The following LEO1 variants were observed in gnomAD, a reference collection of about 807,000 sequenced individuals.
LEO1 encodes LEO1 component of Paf1/RNA polymerase II complex.
Under a neutral mutation model 80.4 loss-of-function variants are expected in LEO1, and 34 were observed. The observed-to-expected ratio is 0.42, with a 90% CI of 0.32 to 0.56. The LOEUF (loss-of-function observed/expected upper bound fraction) is 0.56. Among genes scored for constraint, LEO1 ranks in the 20% least tolerant of loss-of-function variants. The probability of loss-of-function intolerance (pLI) is 0.10; values close to 1 mark genes in which losing one functional copy is unlikely to be tolerated. For missense variants in LEO1, 631 were observed against 814.2 expected, an observed-to-expected ratio of 0.77 and a Z score of 2.74; for synonymous variants, 262 against 274.9, an observed-to-expected ratio of 0.95 and a Z score of 0.46.
chr15:51,952,052 A>C lies in LEO1; in HGVS notation c.1476-73T>G, dbSNP rs1422846882. 5 of 1,366,246 alleles carry C rather than the reference A, an allele frequency of 3.7e-6. No individual in the cohort carries two copies. The East Asian group carries it at 1.2e-4, about 33-fold the overall frequency. 84.6% of individuals were successfully genotyped at this position (1,366,246 alleles called of 1,614,324 possible). On this transcript the variant is annotated intron_variant, in intron 8 of 11. Transcript: ENST00000299601. ...TGTGAGCCAGTGATACCCACGTCAC[A>C]GAAGTAAGAGCCCAGTGACCATTTC...
Position 51,954,468 on chromosome 15 carries a change from G to A in LEO1, c.1340+13C>T, listed in dbSNP as rs2959293. 0.39 allele frequency: 612,149 copies of A among 1,570,514 alleles called. 122,414 individuals are homozygous for A. Among genetic ancestry groups the A allele is most frequent in the Admixed American group, 0.46 (27,757 of 59,912 alleles). On this transcript the variant is annotated intron_variant, in intron 7 of 11. Transcript: ENST00000299601. ...CTGGGTATGTCAATACCCTTCAGGC[G>A]TTTTGTGCTCACCTTCCATCTGACC...
At chr15:51,949,130 T>G (rs142341147) in intron 10 of LEO1, among the ~76,000 whole-genome samples, 74 of 152,136 alleles carry the variant, frequency 4.9e-4, no homozygotes, top group African/African-American at 1.8e-3. Context: ...CAGAAATCAG[T>G]GATACTTGTG....
intron 2 of LEO1, among the ~76,000 whole-genome samples, chr15:51,964,331 A>G (rs796748455): frequency 2.6e-5 from 4 of 152,302 alleles, no homozygotes; most frequent in African/African-American, 9.6e-5. Flanking sequence ...GTTCTCACTC[A>G]TAGGTGGGAA....
rs762379824 is a variant in LEO1 at position 51,971,674 on chromosome 15, A to C, written c.58+14T>G. ...CCTGCCACGCACCCATCCTCCGAAG[A>C]CCAGCGAACCCACCTTTACGCTCAG... On this transcript the variant is annotated intron_variant, in intron 1 of 11. Transcript: ENST00000299601. The C allele has an allele frequency of 1.2e-6, 2 of 1,613,574 alleles. No individual in the cohort carries two copies. The highest frequency in any genetic ancestry group is 8.5e-7 in the Non-Finnish European group (1 of 1,179,712).
intron 5 of LEO1, 128 bp downstream of exon 5, chr15:51,959,771 A>T: frequency 1.2e-6 from 1 of 816,704 alleles, no homozygotes; most frequent in Non-Finnish European, 1.9e-6. Context: ...GTGCTTGACT[A>T]ATTTTTTCAG....
At position 51,968,836 on chromosome 15, in the gene LEO1, A is replaced by T. The variant is rs146292514; in HGVS notation, c.59-2332T>A. ...AGAGCAAGACTCCGTCTCAAAAAAA[A>T]AAAGGAAAGTGAAAAAACAACCTAC... is the stretch of plus-strand genomic sequence containing the variant. On this transcript the variant is annotated intron_variant, in intron 1 of 11. Coordinates refer to ENST00000299601, the MANE Select transcript of LEO1 (RefSeq NM_138792.4). Among the ~76,000 whole-genome samples the T allele has an allele frequency of 7.0e-3, 1,073 of 152,312 alleles. 11 individuals carry two copies. The highest frequency in any genetic ancestry group is 0.025 in the African/African-American group (1,027 of 41,570).
chr15:51,964,547 T>TAA (rs567387816), intron 2 of LEO1, among the ~76,000 whole-genome samples: 1,524 of 140,884 alleles, frequency 0.011, 17 homozygotes, highest in African/African-American at 0.016. Context: ...CTTAAAGTGT[T>TAA]AAAAAAAAAA....
At chr15:51,963,561 G>A (rs1378615933) in intron 2 of LEO1, among the ~76,000 whole-genome samples, 1 of 152,074 alleles carries the variant, frequency 6.6e-6, no homozygotes, top group East Asian at 1.9e-4. Context: ...TAGTATTTGG[G>A]ATGTAGTACA....
intron 7 of LEO1, 41 bp downstream of exon 7, chr15:51,954,440 G>T: frequency 1.6e-6 from 2 of 1,224,280 alleles, no homozygotes; most frequent in Non-Finnish European, 2.4e-6. Context: ...CCTCTGACCC[G>T]TTCTGGGTAT....
At chr15:51,969,582 G>A (rs1457536439) in intron 1 of LEO1, among the ~76,000 whole-genome samples, 1 of 147,906 alleles carries the variant, frequency 6.8e-6, no homozygotes, top group African/African-American at 2.5e-5. Context: ...CAGGAGAATC[G>A]CTTGAACCTA....
intron 9 of LEO1, among the ~76,000 whole-genome samples, 154 bp from the exon 10 acceptor site, chr15:51,950,148 C>A (rs910170130): frequency 1.3e-5 from 2 of 152,212 alleles, no homozygotes; most frequent in African/African-American, 4.8e-5. Flanking sequence ...CCACAGGGAC[C>A]CTCTGGTTTG....
rs562761799 is a variant in LEO1 at position 51,964,193 on chromosome 15, G to A, written c.814+1556C>T. ...TACACTCCAGCCTGGGAGACAGAGC[G>A]AGACTCCGTCTCAAAAAAAAAAAAA... On this transcript the variant is annotated intron_variant, in intron 2 of 11. Coordinates refer to ENST00000299601, the MANE Select transcript of LEO1 (RefSeq NM_138792.4). Among the ~76,000 whole-genome samples the A allele has an allele frequency of 1.3e-4, 20 of 151,466 alleles. No homozygotes were observed. The South Asian group carries it at 2.1e-3, about 16-fold the overall frequency.
intron 10 of LEO1, among the ~76,000 whole-genome samples, chr15:51,949,229 C>T (rs898801151): frequency 1.3e-5 from 2 of 152,166 alleles, no homozygotes; most frequent in Admixed American, 6.5e-5. Context: ...AGTTTAATTT[C>T]TTGATTCCCA....
intron 11 of LEO1, among the ~76,000 whole-genome samples, chr15:51,943,566 G>A (rs1033405926): frequency 1.3e-5 from 2 of 151,758 alleles, no homozygotes; most frequent in African/African-American, 2.4e-5. Flanking sequence ...CAGGCATGGT[G>A]GCATGTGCCT....
intron 2 of LEO1, 72 bp downstream of exon 2, chr15:51,965,677 A>G (rs2241503): frequency 0.43 from 653,899 of 1,509,018 alleles, 143,525 homozygotes; most frequent in Admixed American, 0.58. Flanking sequence ...AGATGGGAAT[A>G]AAGACTAAAT....
chr15:51,968,684 C>G (rs1393857451), intron 1 of LEO1, among the ~76,000 whole-genome samples: 1 of 151,984 alleles, frequency 6.6e-6, no homozygotes, highest in Non-Finnish European at 1.5e-5. Context: ...CAAAAATTAG[C>G]CAGGCGTGGT....
chr15:51,948,656 CT>C (rs1325420028), intron 10 of LEO1, among the ~76,000 whole-genome samples: 2 of 152,172 alleles, frequency 1.3e-5, no homozygotes, highest in Admixed American at 6.5e-5. Flanking sequence ...TCAAAACAAC[CT>C]TATGTTCTAA....
intron 11 of LEO1, among the ~76,000 whole-genome samples, chr15:51,938,818 CAT>C (rs1167331217): frequency 6.6e-6 from 1 of 151,940 alleles, no homozygotes; most frequent in Non-Finnish European, 1.5e-5. Flanking sequence ...ACCTAAAAAA[CAT>C]TTTTTACAGA....
chr15:51,966,529 T>A (rs1334644061), intron 1 of LEO1, 25 bp from the exon 2 acceptor site: 1 of 1,378,956 alleles, frequency 7.3e-7, no homozygotes, highest in South Asian at 1.3e-5. Flanking sequence ...AAACATAGGA[T>A]AACATAAGCA....
Sources: allele counts gnomAD v4.1 joint callset (sites outside exome capture counted in the v4.1 genomes callset), GRCh38; gene constraint gnomAD v4.1.1; transcripts MANE v1.5; gene names NCBI Gene and HGNC (gene_info 2026-07-23, HGNC 2026-07-21).